Variants in ZAP70 observed in about 807,000 individuals in gnomAD.
ZAP70 encodes tyrosine-protein kinase ZAP-70.
ZAP70 carries 27 observed loss-of-function variants against 65.8 expected under a neutral mutation model. The ratio of observed to expected loss-of-function variants is 0.41; its 90% CI spans 0.30 to 0.57. The LOEUF (loss-of-function observed/expected upper bound fraction) is 0.57. Ranked by LOEUF, ZAP70 falls within the 20% of genes least tolerant of loss-of-function variation. The probability of loss-of-function intolerance (pLI) is 0.28; values close to 1 mark genes in which losing one functional copy is unlikely to be tolerated. For missense variants in ZAP70, 696 were observed against 870.5 expected (o/e 0.80, Z 2.52); for synonymous variants, 363 against 360.8 (o/e 1.01, Z -0.07).
the ZAP70 span, among the ~76,000 whole-genome samples, chr2:97,745,424 A>T: frequency 6.6e-6 from 1 of 152,270 alleles, no homozygotes; most frequent in Non-Finnish European, 1.5e-5. Context: ...CATTTATCTG[A>T]TAAGGATTTA....
At chr2:97,733,662 G>A in intron 8 of ZAP70, 67 bp downstream of exon 8, 5 of 1,605,562 alleles carry the variant, frequency 3.1e-6, no homozygotes, top group Non-Finnish European at 4.3e-6. Flanking sequence ...TCGCTGTCAG[G>A]GCTGTGGGGT....
downstream of ZAP70, among the ~76,000 whole-genome samples, chr2:97,741,003 G>C (rs1033281584): frequency 6.6e-6 from 1 of 152,222 alleles, no homozygotes; most frequent in African/African-American, 2.4e-5. Flanking sequence ...ATCCAACAAA[G>C]AAACAGGTGG....
At chr2:97,738,645 A>C (rs1243856940) in intron 13 of ZAP70, 1 of 204,696 alleles carries the variant, frequency 4.9e-6, no homozygotes, top group Non-Finnish European at 1.0e-5. Context: ...ACACACCCCC[A>C]GACAAGCGGA....
rs748903250 is a variant in ZAP70, at chr2:97,733,310, C to T, written c.804C>T (p.Pro268=). The T allele has an allele frequency of 1.9e-6, 3 of 1,600,762 alleles. No homozygotes were observed. The highest frequency in any genetic ancestry group is 2.2e-5 in the South Asian group (2 of 89,108). ...SASNASGAAA[P]TLPAHPSTLT... The stretch of plus-strand genomic sequence containing the variant: ...CTGCTCCCCCAGGGGCTGCTGCTCC[C>T]ACACTCCCAGCCCACCCATCCACGT... The change falls in exon 7 of 14, where the codon CCC becomes CCT. Residue 268 remains proline (P), a synonymous_variant. Transcript: ENST00000264972.
chr2:97,734,719 C>T lies in ZAP70; in HGVS notation c.1082+7C>T. ...GCGTGTACCGCATGCGCAAGTATGG[C>T]CGCCCCTGCCGTGGTGGGAGCACCG... On this transcript the variant is annotated splice_region_variant and intron_variant, in intron 9 of 13. Coordinates refer to ENST00000264972, the MANE Select transcript of ZAP70 (RefSeq NM_001079.4). 6.2e-7 allele frequency: 1 copy of T among 1,613,106 alleles called. No individual in the cohort carries two copies. Among genetic ancestry groups the T allele is most frequent in the South Asian group, 1.1e-5 (1 of 91,086 alleles).
rs201806664 is a variant in ZAP70 at position 97,733,181 on chromosome 2, C to G, written c.759C>G (p.Ala253=). Residue 253 remains alanine (A), a synonymous_variant, in exon 6 of 14, where the codon GCC becomes GCG. Coordinates refer to ENST00000264972, the MANE Select transcript of ZAP70 (RefSeq NM_001079.4). ...ADGLIYCLKE[A]CPNSSASNAS... ...GGCTCATCTACTGCCTGAAGGAGGCCTGCCCCAACAGCAGTGCCAGCAACG... is the reference window on the plus strand; with the variant it reads ...GGCTCATCTACTGCCTGAAGGAGGCGTGCCCCAACAGCAGTGCCAGCAACG... The G allele has an allele frequency of 1.2e-6, 2 of 1,613,688 alleles. No homozygotes were observed. Among genetic ancestry groups the G allele is most frequent in the African/African-American group, 2.7e-5 (2 of 74,920 alleles).
rs202052806 is a variant in ZAP70 at position 97,737,942 on chromosome 2, A to T, written c.1623+45A>T. The stretch of plus-strand genomic sequence containing the variant: ...GGTGGGCGGTGTGGTGGGGAGGGGG[A>T]TGAGGAGGAGGACACTGGTCACTCA... On this transcript the variant is annotated intron_variant, in intron 12 of 13. Transcript: ENST00000264972. This position sits in a 1 kb window ranked among gnomAD's most constrained non-coding sequence, Gnocchi z 5.0. The T allele has an allele frequency of 2.7e-4, 432 of 1,613,738 alleles. No individual in the cohort carries two copies. Among genetic ancestry groups the T allele is most frequent in the Non-Finnish European group, 3.5e-4 (410 of 1,179,830 alleles).
chr2:97,754,013 T>C, the ZAP70 span, among the ~76,000 whole-genome samples: 2 of 152,096 alleles, frequency 1.3e-5, no homozygotes, highest in African/African-American at 4.8e-5. Flanking sequence ...ACATCCACTA[T>C]CATTTCATGT....
the ZAP70 span, among the ~76,000 whole-genome samples, chr2:97,755,707 TCCCTGCTGTCTTCCCTCTGTGC>T: frequency 1.1e-3 from 162 of 152,174 alleles, 2 homozygotes; most frequent in East Asian, 0.018. Context: ...GCTGCCCGAG[TCCCTGCTGTCTTCCCTCTGTGC>T]CCCTGCTGTC....
At chr2:97,722,341 C>G (rs556481663) in intron 2 of ZAP70, among the ~76,000 whole-genome samples, 37 of 152,232 alleles carry the variant, frequency 2.4e-4, no homozygotes, top group Non-Finnish European at 5.0e-4. Flanking sequence ...CTTGGCCTCC[C>G]AAAGTGCTGG....
rs938784062 is a variant in ZAP70, at chr2:97,736,290, T to G, written c.1289+834T>G. ...TTACTGAAAAGTTTTGCAGTTTCATTTGTGGTTCCTCATCCCCAAACTCTT... is the reference window on the plus strand; with the variant it reads ...TTACTGAAAAGTTTTGCAGTTTCATGTGTGGTTCCTCATCCCCAAACTCTT... On this transcript the variant is annotated intron_variant, in intron 10 of 13. Coordinates refer to ENST00000264972, the MANE Select transcript of ZAP70 (RefSeq NM_001079.4). This position sits in a 1 kb window ranked among gnomAD's most constrained non-coding sequence, Gnocchi z 4.0. 6.6e-5 allele frequency among the ~76,000 whole-genome samples: 10 copies of G among 152,180 alleles called. No individual in the cohort carries two copies. The highest frequency in any genetic ancestry group is 4.1e-4 in the South Asian group (2 of 4,830).
intron 4 of ZAP70, among the ~76,000 whole-genome samples, chr2:97,732,107 A>G (rs1229733219): frequency 6.6e-6 from 1 of 152,130 alleles, no homozygotes; most frequent in Non-Finnish European, 1.5e-5. Context: ...ATGGGGGGAC[A>G]GTTTCTTACC....
intron 2 of ZAP70, among the ~76,000 whole-genome samples, chr2:97,719,350 G>C (rs1176159163): frequency 6.8e-6 from 1 of 147,268 alleles, no homozygotes; most frequent in South Asian, 2.3e-4. Context: ...GGACGGGGGT[G>C]GGGGAAGGAG....
At position 97,715,147 on chromosome 2, in the gene ZAP70, G is replaced by T. The variant is rs903447215; in HGVS notation, c.-22+1153G>T. Among the ~76,000 whole-genome samples, 5 of 152,318 alleles carry T rather than the reference G, an allele frequency of 3.3e-5. No homozygotes were observed. The South Asian group carries it at 1.0e-3, about 32-fold the overall frequency. On this transcript the variant is annotated intron_variant, in intron 2 of 13. Coordinates refer to ENST00000264972, the MANE Select transcript of ZAP70 (RefSeq NM_001079.4). This position sits in a 1 kb window ranked among gnomAD's most constrained non-coding sequence, Gnocchi z 4.1. ...TTCCTGTATGCTCTCCGGGGCTGCA[G>T]CACCCAGACCACCCCGTGCTGACCA...
intron 2 of ZAP70, among the ~76,000 whole-genome samples, chr2:97,720,390 A>G (rs1395939249): frequency 6.6e-6 from 1 of 151,760 alleles, no homozygotes; most frequent in Non-Finnish European, 1.5e-5. Flanking sequence ...ACCACGCCCG[A>G]CTAATTTTTT....
chr2:97,735,066 G>A, intron 9 of ZAP70, 184 bp from the exon 10 acceptor site: 5 of 741,072 alleles, frequency 6.7e-6, no homozygotes, highest in Non-Finnish European at 1.1e-5. Context: ...CGATCCGGCT[G>A]TGAGCCGTCC....
Position 97,734,587 on chromosome 2 carries a change from C to T in ZAP70, c.957C>T (p.Tyr319=), listed in dbSNP as rs1677765074. The T allele has an allele frequency of 1.2e-6, 2 of 1,614,080 alleles. No individual in the cohort carries two copies. The highest frequency in any genetic ancestry group is 1.1e-5 in the South Asian group (1 of 91,088). The change falls in exon 9 of 14, where the codon TAC becomes TAT. Residue 319 remains tyrosine, a synonymous_variant. Transcript: ENST00000264972. ...PMDTSVYESP[Y]SDPEELKDKK... is the part of the protein sequence containing the mutation. ...ACACGAGCGTGTATGAGAGCCCCTA[C>T]AGCGACCCAGAGGAGCTCAAGGACA...
Position 97,737,330 on chromosome 2 carries a change from C to G in ZAP70, c.1290-143C>G. 1.2e-6 allele frequency: 1 copy of G among 825,310 alleles called. No homozygotes were observed. The highest frequency in any genetic ancestry group is 2.0e-6 in the Non-Finnish European group (1 of 499,576). 51.1% of individuals were successfully genotyped at this position (825,310 alleles called of 1,614,324 possible). ...TCACTGCTGTGTCCCCAGCCCCACG[C>G]CTGGCACACAGCAGGTGCTCAATAA... On this transcript the variant is annotated intron_variant, in intron 10 of 13. Coordinates refer to ENST00000264972, the MANE Select transcript of ZAP70 (RefSeq NM_001079.4). This position sits in a 1 kb window ranked among gnomAD's most constrained non-coding sequence, Gnocchi z 5.0.
chr2:97,728,853 G>A (rs1677495079), intron 4 of ZAP70, among the ~76,000 whole-genome samples: 1 of 152,256 alleles, frequency 6.6e-6, no homozygotes, highest in African/African-American at 2.4e-5. Flanking sequence ...CCCGGGTTTA[G>A]TGATTCTTCT....
Sources: gnomAD v4.1 joint callset for allele counts (sites outside exome capture counted in the v4.1 genomes callset) on GRCh38, gnomAD v4.1.1 for gene constraint, Gnocchi (gnomAD v3.1) non-coding constraint, MANE v1.5 for transcripts, NCBI Gene and HGNC (gene_info 2026-07-23, HGNC 2026-07-21) for gene names.